The following PCSK6 variants were observed in gnomAD, a reference collection of about 807,000 sequenced individuals.
PCSK6 encodes the protein proprotein convertase subtilisin/kexin type 6, also known as paired basic amino acid cleaving enzyme 4.
In PCSK6, 85 loss-of-function variants were observed where a neutral mutation model predicts 123.3. The observed-to-expected ratio is 0.69, with a 90% CI of 0.58 to 0.83. The LOEUF is 0.83. Ranked by LOEUF, PCSK6 falls within the 40% of genes least tolerant of loss-of-function variation. The pLI is 0.00. For missense variants in PCSK6, 1,191 were observed against 1,282.3 expected (o/e 0.93, Z 1.09); for synonymous variants, 508 against 516.0 (o/e 0.98, Z 0.21).
chr15:101,401,636 AG>A (rs2042591727), intron 6 of PCSK6, among the ~76,000 whole-genome samples: 1 of 152,042 alleles, frequency 6.6e-6, no homozygotes, highest in South Asian at 2.1e-4. Context: ...CGTCTCGCTG[AG>A]CCTCAGTCTT....
At chr15:101,455,083 A>C in intron 1 of PCSK6, among the ~76,000 whole-genome samples, 1 of 152,220 alleles carries the variant, frequency 6.6e-6, no homozygotes. Flanking sequence ...GAAAATACTA[A>C]ATGCCCCAAA....
At chr15:101,444,454 G>A (rs1200803671) in intron 1 of PCSK6, among the ~76,000 whole-genome samples, 2 of 152,106 alleles carry the variant, frequency 1.3e-5, no homozygotes, top group East Asian at 1.9e-4. Flanking sequence ...AAATCAAGAT[G>A]GACTGGATAT....
At chr15:101,385,210 G>A (rs1223771785) in intron 9 of PCSK6, among the ~76,000 whole-genome samples, 1 of 152,100 alleles carries the variant, frequency 6.6e-6, no homozygotes, top group African/African-American at 2.4e-5. Flanking sequence ...TAGAGACGAG[G>A]TCTTGCTATA....
At chr15:101,460,159 C>G (rs2057307747) in intron 1 of PCSK6, among the ~76,000 whole-genome samples, 1 of 152,050 alleles carries the variant, frequency 6.6e-6, no homozygotes, top group Admixed American at 6.5e-5. Context: ...ATGGCCTGGG[C>G]CTACCCAACC....
chr15:101,452,449 TTTTTG>T (rs1487922972), intron 1 of PCSK6, among the ~76,000 whole-genome samples: 5 of 152,334 alleles, frequency 3.3e-5, no homozygotes, highest in East Asian at 1.9e-4. Context: ...TGAGTATTCA[TTTTTG>T]TTTTGTTTTG....
At chr15:101,316,929 T>TTTTTTTTTTTCA (rs2040006235) in intron 19 of PCSK6, among the ~76,000 whole-genome samples, 1 of 142,256 alleles carries the variant, frequency 7.0e-6, no homozygotes, top group African/African-American at 2.7e-5. Context: ...TTTTTTTTTT[T>TTTTTTTTTTTCA]GACAGAGTCT....
chr15:101,488,939 AGGGGCCGCTCCCCCGCGGGGGAGAGCC>A (rs1221500486), intron 1 of PCSK6, among the ~76,000 whole-genome samples: 1 of 149,252 alleles, frequency 6.7e-6, no homozygotes, highest in African/African-American at 2.5e-5. Flanking sequence ...TCGAGGGCAG[AGGGGCCGCTCCCCCGCGGGGGAGAGCC>A]GGGTGGGCGC....
At chr15:101,402,191 T>C (rs1435328483) in intron 6 of PCSK6, among the ~76,000 whole-genome samples, 2 of 146,096 alleles carry the variant, frequency 1.4e-5, no homozygotes, top group East Asian at 4.0e-4. Flanking sequence ...ATTTAATAAA[T>C]GGTGCTGGGA....
intron 1 of PCSK6, among the ~76,000 whole-genome samples, chr15:101,486,975 T>C (rs1445270336): frequency 6.6e-6 from 1 of 151,206 alleles, no homozygotes; most frequent in Non-Finnish European, 1.5e-5. Context: ...CTTCCTTCCC[T>C]TACTTCACCC....
intron 1 of PCSK6, among the ~76,000 whole-genome samples, chr15:101,479,366 G>GT (rs2057811613): frequency 6.6e-6 from 1 of 152,376 alleles, no homozygotes; most frequent in African/African-American, 2.4e-5. Flanking sequence ...AAAGTGAAGG[G>GT]TTCTGGGTGA....
chr15:101,479,099 G>C (rs939319397), intron 1 of PCSK6, among the ~76,000 whole-genome samples: 2 of 152,218 alleles, frequency 1.3e-5, no homozygotes, highest in African/African-American at 4.8e-5. Context: ...CTGTGGTCCA[G>C]AGGGTCTAGC....
At chr15:101,386,838 G>A (rs1190014853) in intron 9 of PCSK6, among the ~76,000 whole-genome samples, 2 of 152,172 alleles carry the variant, frequency 1.3e-5, no homozygotes, top group Non-Finnish European at 2.9e-5. Flanking sequence ...TTTCAATCCT[G>A]GATATCACCC....
chr15:101,430,222 G>A (rs1359542224), intron 4 of PCSK6, among the ~76,000 whole-genome samples, 159 bp from the exon 5 acceptor site: 1 of 152,170 alleles, frequency 6.6e-6, no homozygotes, highest in Non-Finnish European at 1.5e-5. Context: ...TAAAATATAT[G>A]TGACGGGAAA....
At chr15:101,375,601 A>G (rs1040189124) in intron 11 of PCSK6, among the ~76,000 whole-genome samples, 2 of 152,212 alleles carry the variant, frequency 1.3e-5, no homozygotes, top group Middle Eastern at 3.2e-3. Flanking sequence ...GTATCCCCCA[A>G]ACTAACACCT....
intron 18 of PCSK6, 27 bp from the exon 19 acceptor site, chr15:101,318,449 C>T (rs2040043805): frequency 1.3e-6 from 2 of 1,524,364 alleles, no homozygotes; most frequent in African/African-American, 1.4e-5. Context: ...GGCAGATTTC[C>T]ACATCCATTC....
At chr15:101,420,256 C>T (rs2056041443) in intron 6 of PCSK6, among the ~76,000 whole-genome samples, 1 of 150,194 alleles carries the variant, frequency 6.7e-6, no homozygotes, top group Non-Finnish European at 1.5e-5. Context: ...CAATTATTGT[C>T]CTAAAACTAA....
In PCSK6 at chr15:101,389,525, T is replaced by C. The variant is rs1228488164; in HGVS notation, c.1249A>G (p.Thr417Ala). The change falls in exon 9 of 22, where the codon ACT becomes GCT. Residue 417 changes from threonine (T) to alanine (A), a missense_variant. Around this residue, in one of 3 missense-constraint regions of PCSK6, gnomAD observed 357 missense variants for 484.5 expected, o/e 0.74. Coordinates refer to ENST00000611716, the MANE Select transcript of PCSK6 (RefSeq NM_002570.5). ...ATGGGGGCAGAGACTGAGGTCCCAG[T>C]GTGGCCATCGGTACAGCGCTGACGC... The part of the protein sequence containing the change: ...DLRQRCTDGH[T>A]GTSVSAPMVA... 7 of 1,613,516 alleles carry C rather than the reference T, an allele frequency of 4.3e-6. No individual in the cohort carries two copies. Among genetic ancestry groups the C allele is most frequent in the African/African-American group, 2.7e-5 (2 of 74,904 alleles).
At chr15:101,373,698 C>G (rs1325484351) in intron 11 of PCSK6, among the ~76,000 whole-genome samples, 1 of 152,152 alleles carries the variant, frequency 6.6e-6, no homozygotes, top group Non-Finnish European at 1.5e-5. Context: ...AAAGTCATCA[C>G]TTTAAAAAAT....
intron 17 of PCSK6, among the ~76,000 whole-genome samples, chr15:101,322,818 C>T (rs1282180496): frequency 6.6e-6 from 1 of 152,178 alleles, no homozygotes; most frequent in Non-Finnish European, 1.5e-5. Context: ...GAGGTAAAAA[C>T]GGTCCTCAGA....
Sources: allele counts gnomAD v4.1 joint callset (sites outside exome capture counted in the v4.1 genomes callset), GRCh38; gene constraint gnomAD v4.1.1; regional missense constraint gnomAD v4.1.1; transcripts MANE v1.5; gene names NCBI Gene and HGNC (gene_info 2026-07-23, HGNC 2026-07-21).